HOOK3: variants seen among roughly 807,000 people sequenced by gnomAD.
The protein encoded by HOOK3 is protein Hook homolog 3.
In HOOK3, 24 loss-of-function variants were observed where a neutral mutation model predicts 116.3. The observed-to-expected ratio is 0.21, with a 90% CI of 0.15 to 0.29. HOOK3 has a LOEUF of 0.29. HOOK3 is among the 10% of genes least tolerant of loss of function. HOOK3 has a pLI of 1.00. For missense variants in HOOK3, 632 were observed against 830.2 expected (o/e 0.76, Z 2.93); for synonymous variants, 275 against 283.0 (o/e 0.97, Z 0.28).
At chr8:42,968,910 AT>A (rs1336306145) in intron 11 of HOOK3, among the ~76,000 whole-genome samples, 1 of 152,168 alleles carries the variant, frequency 6.6e-6, no homozygotes, top group Non-Finnish European at 1.5e-5. Flanking sequence ...ATCCCTAAAA[AT>A]TTATAGCACT....
At chr8:42,965,003 A>G (rs752282544) in intron 9 of HOOK3, among the ~76,000 whole-genome samples, 1 of 152,244 alleles carries the variant, frequency 6.6e-6, no homozygotes, top group Admixed American at 6.5e-5. Context: ...TGCCGCAACT[A>G]TAGGATACCT....
chr8:42,943,020 C>T (rs1808157352), intron 4 of HOOK3, among the ~76,000 whole-genome samples: 1 of 152,138 alleles, frequency 6.6e-6, no homozygotes, highest in African/African-American at 2.4e-5. Context: ...TTTAGTTCTA[C>T]TTCTTCAAAG....
intron 6 of HOOK3, among the ~76,000 whole-genome samples, chr8:42,954,424 A>G (rs906047852): frequency 8.5e-5 from 13 of 152,352 alleles, no homozygotes; most frequent in Admixed American, 6.5e-4. Flanking sequence ...ACTATTTTAT[A>G]TTAACAGAAA....
intron 1 of HOOK3, among the ~76,000 whole-genome samples, chr8:42,898,328 T>G (rs2130304483): frequency 6.6e-6 from 1 of 152,280 alleles, no homozygotes; most frequent in Non-Finnish European, 1.5e-5. Flanking sequence ...ATCAGACCAT[T>G]TAGGGGATTT....
chr8:43,025,756 G>A lies in HOOK3; in HGVS notation c.*7258G>A, dbSNP rs895535216. 2 of 216,012 alleles carry A rather than the reference G, an allele frequency of 9.3e-6. No homozygotes were observed. The highest frequency in any genetic ancestry group is 1.9e-5 in the Non-Finnish European group (2 of 107,488). 13.4% of individuals were successfully genotyped at this position (216,012 alleles called of 1,614,324 possible). A position where few individuals can be genotyped will look rare whatever the true frequency, so the allele number is the denominator to read the frequency against. Reference sequence around the variant, plus strand: ...GGCTGAAAATCGTGACCAACTTGGTGTTATCTAGATCTGCTTTATCTAGTT... The same window carrying A: ...GGCTGAAAATCGTGACCAACTTGGTATTATCTAGATCTGCTTTATCTAGTT... On this transcript the variant is annotated 3_prime_UTR_variant, in exon 22 of 22. Transcript: ENST00000307602.
At chr8:42,939,283 A>G (rs1277741536) in intron 4 of HOOK3, among the ~76,000 whole-genome samples, 2 of 151,890 alleles carry the variant, frequency 1.3e-5, no homozygotes, top group African/African-American at 2.4e-5. Context: ...CTCACTTCCC[A>G]GTAGGGGCGG....
At chr8:43,009,364 C>G (rs1224834157) in intron 18 of HOOK3, among the ~76,000 whole-genome samples, 1 of 151,580 alleles carries the variant, frequency 6.6e-6, no homozygotes, top group Admixed American at 6.6e-5. Context: ...CGAGATCTCG[C>G]CACTGTGCTC....
chr8:42,943,046 C>T (rs1563297413), intron 4 of HOOK3, among the ~76,000 whole-genome samples: 1 of 152,076 alleles, frequency 6.6e-6, no homozygotes, highest in Admixed American at 6.6e-5. Flanking sequence ...ACACCTATTT[C>T]TTCTGGGAGT....
chr8:42,928,350 C>T (rs1384813204), intron 3 of HOOK3, among the ~76,000 whole-genome samples: 1 of 151,522 alleles, frequency 6.6e-6, no homozygotes, highest in Non-Finnish European at 1.5e-5. Flanking sequence ...ACCTGGGAGG[C>T]TGAGGCATGA....
chr8:43,001,916 C>A (rs1199675392), intron 16 of HOOK3, among the ~76,000 whole-genome samples, 191 bp from the exon 17 acceptor site: 3 of 152,142 alleles, frequency 2.0e-5, no homozygotes, highest in African/African-American at 7.2e-5. Context: ...TGATTGTCAT[C>A]CCTTAGGGGC....
chr8:42,920,339 T>C (rs556419624), intron 2 of HOOK3, among the ~76,000 whole-genome samples: 3 of 152,358 alleles, frequency 2.0e-5, no homozygotes, highest in Admixed American at 6.5e-5. Flanking sequence ...AAAGTACTTA[T>C]GGCAATGGAA....
At position 42,930,157 on chromosome 8, in the gene HOOK3, G is replaced by A; in HGVS notation, c.252G>A (p.Leu84=). The A allele has an allele frequency of 6.5e-7, 1 of 1,546,024 alleles. No homozygotes were observed. Among genetic ancestry groups the A allele is most frequent in the Non-Finnish European group, 8.7e-7 (1 of 1,143,242 alleles). ...TAAAGAAAATTTTAAAAGGAATCTTGGATTATAATCATGAGGTAAAGACTT... is the reference window on the plus strand; with the variant it reads ...TAAAGAAAATTTTAAAAGGAATCTTAGATTATAATCATGAGGTAAAGACTT... ...SNLKKILKGI[L]DYNHEILGQQ... is the part of the protein sequence containing the mutation. The change falls in exon 4 of 22, where the codon TTG becomes TTA. Residue 84 remains leucine (L), a synonymous_variant. Transcript: ENST00000307602.
At chr8:42,924,457 G>A (rs879860159) in intron 2 of HOOK3, among the ~76,000 whole-genome samples, 5 of 151,904 alleles carry the variant, frequency 3.3e-5, no homozygotes, top group Admixed American at 6.6e-5. Flanking sequence ...CCACACCAGT[G>A]TTTTATCTTA....
chr8:42,983,351 G>A (rs1466011095), intron 14 of HOOK3, among the ~76,000 whole-genome samples: 4 of 148,804 alleles, frequency 2.7e-5, no homozygotes, highest in African/African-American at 7.4e-5. Context: ...AAAAAAAAAA[G>A]GTTTATCTGC....
intron 16 of HOOK3, among the ~76,000 whole-genome samples, chr8:42,999,160 A>G (rs1809334455): frequency 6.6e-6 from 1 of 152,240 alleles, no homozygotes; most frequent in African/African-American, 2.4e-5. Flanking sequence ...ACATTAAAAC[A>G]TAAATAAAAG....
chr8:43,017,962 G>A (rs1034283551), intron 21 of HOOK3, among the ~76,000 whole-genome samples: 1 of 152,180 alleles, frequency 6.6e-6, no homozygotes, highest in African/African-American at 2.4e-5. Context: ...AACAACACAA[G>A]CATTTGTGTT....
intron 16 of HOOK3, among the ~76,000 whole-genome samples, chr8:42,999,418 C>T (rs1809338384): frequency 6.6e-6 from 1 of 152,212 alleles, no homozygotes; most frequent in Non-Finnish European, 1.5e-5. Context: ...ATTCAGATAG[C>T]TGAAACTGTG....
At chr8:42,924,967 ACT>A (rs1000044504) in intron 2 of HOOK3, among the ~76,000 whole-genome samples, 9 of 150,788 alleles carry the variant, frequency 6.0e-5, no homozygotes, top group African/African-American at 2.2e-4. Flanking sequence ...ACGGAGCGAG[ACT>A]CTGTCTCAAA....
intron 15 of HOOK3, chr8:42,994,523 A>C (rs1809227955): frequency 3.1e-6 from 1 of 317,726 alleles, no homozygotes; most frequent in Non-Finnish European, 6.1e-6. Context: ...CATTTGTTTC[A>C]ATAAATTTTT....
Sources: allele counts gnomAD v4.1 joint callset (sites outside exome capture counted in the v4.1 genomes callset), GRCh38; gene constraint gnomAD v4.1.1; transcripts MANE v1.5; gene names NCBI Gene and HGNC (gene_info 2026-07-23, HGNC 2026-07-21).